Variants in NCOA1 observed in about 807,000 individuals in gnomAD.
NCOA1 encodes nuclear receptor coactivator 1.
A neutral mutation model predicts 150.9 loss-of-function variants in NCOA1; 35 were observed. The observed-to-expected ratio is 0.23, with a 90% CI of 0.18 to 0.31. The LOEUF is 0.31. Among genes scored for constraint, NCOA1 ranks in the 10% least tolerant of loss-of-function variants. The probability of loss-of-function intolerance (pLI) is 1.00; values close to 1 mark genes in which losing one functional copy is unlikely to be tolerated. For synonymous variants in NCOA1, 590 were observed against 630.0 expected, an observed-to-expected ratio of 0.94 and a Z score of 0.95; for missense variants, 1,491 against 1,749.3, an observed-to-expected ratio of 0.85 and a Z score of 2.63.
chr2:24,505,192 T>C (rs993896531), intron 1 of NCOA1, among the ~76,000 whole-genome samples: 5 of 144,182 alleles, frequency 3.5e-5, no homozygotes, highest in Non-Finnish European at 7.6e-5. Flanking sequence ...TTCTTTTTTC[T>C]TTTTTTTTTT....
intron 3 of NCOA1, among the ~76,000 whole-genome samples, chr2:24,639,117 T>G (rs1287814789): frequency 3.9e-5 from 6 of 152,154 alleles, no homozygotes; most frequent in Non-Finnish European, 8.8e-5. Context: ...TTGGGAAATA[T>G]CCTCTCCTAT....
At chr2:24,535,727 A>G (rs1665103955) in intron 1 of NCOA1, among the ~76,000 whole-genome samples, 1 of 152,228 alleles carries the variant, frequency 6.6e-6, no homozygotes. Context: ...TTGGCTGGAT[A>G]TGAAATTCTG....
chr2:24,658,899 C>A, intron 5 of NCOA1, 133 bp downstream of exon 5: 2 of 776,236 alleles, frequency 2.6e-6, no homozygotes, highest in Non-Finnish European at 2.1e-6. Flanking sequence ...ATGTTGTCTT[C>A]CTTCCCCCAG....
At chr2:24,740,034 C>G (rs1663525818) in intron 18 of NCOA1, among the ~76,000 whole-genome samples, 1 of 151,772 alleles carries the variant, frequency 6.6e-6, no homozygotes, top group Non-Finnish European at 1.5e-5. Context: ...AGGTGGACTT[C>G]TAAATGTTAC....
At chr2:24,703,999 C>A in intron 11 of NCOA1, among the ~76,000 whole-genome samples, 1 of 152,178 alleles carries the variant, frequency 6.6e-6, no homozygotes, top group East Asian at 1.9e-4. Context: ...ATAGCCTTTA[C>A]GTATTTAATA....
chr2:24,618,014 T>A (rs1478510329), intron 3 of NCOA1, among the ~76,000 whole-genome samples: 1 of 152,182 alleles, frequency 6.6e-6, no homozygotes, highest in African/African-American at 2.4e-5. Flanking sequence ...CCATAATTAT[T>A]AAAATAAAAC....
rs78906265 is a variant in NCOA1 at position 24,724,416 on chromosome 2, G to C, written c.2600-2173G>C. Among the ~76,000 whole-genome samples, 143 of 152,238 alleles carry C rather than the reference G, an allele frequency of 9.4e-4. 2 individuals carry two copies. In the East Asian group the frequency reaches 0.026, roughly 27 times the overall value. On this transcript the variant is annotated intron_variant, in intron 14 of 22. Transcript: ENST00000348332. The stretch of plus-strand genomic sequence containing the variant: ...GAAGCATACCTTCACATTTTTTACA[G>C]AAGGCAGTTTCTAAAGAAAGTCGCA...
At chr2:24,752,338 CAGAA>C (rs1047003703) in intron 20 of NCOA1, among the ~76,000 whole-genome samples, 182 bp downstream of exon 20, 75 of 152,260 alleles carry the variant, frequency 4.9e-4, no homozygotes, top group African/African-American at 1.7e-3. Context: ...TGTGTGGAGA[CAGAA>C]AGCAGCACAT....
At chr2:24,608,499 C>T (rs1225855313) in intron 3 of NCOA1, among the ~76,000 whole-genome samples, 1 of 151,240 alleles carries the variant, frequency 6.6e-6, no homozygotes, top group Non-Finnish European at 1.5e-5. Context: ...TATCTCTTGA[C>T]CTTGTGATCT....
intron 3 of NCOA1, among the ~76,000 whole-genome samples, chr2:24,634,710 C>A (rs1249967650): frequency 2.8e-5 from 1 of 35,552 alleles, no homozygotes; most frequent in Non-Finnish European, 7.3e-5. Flanking sequence ...GGGGAGGAAC[C>A]CCCCCCCCCC....
chr2:24,504,014 C>T (rs1663586325), intron 1 of NCOA1, among the ~76,000 whole-genome samples: 1 of 152,132 alleles, frequency 6.6e-6, no homozygotes, highest in Admixed American at 6.5e-5. Flanking sequence ...GGATTACAGG[C>T]GTGAGCCACT....
chr2:24,690,496 T>TA (rs1352346846), intron 8 of NCOA1, among the ~76,000 whole-genome samples: 13 of 150,666 alleles, frequency 8.6e-5, no homozygotes, highest in Admixed American at 7.9e-4. Context: ...GTACTAAAAA[T>TA]AAAAAATTAG....
intron 14 of NCOA1, among the ~76,000 whole-genome samples, chr2:24,713,185 C>T (rs56407018): frequency 1.3e-3 from 191 of 151,978 alleles, no homozygotes; most frequent in Non-Finnish European, 2.2e-3. Flanking sequence ...CAGCTGAGAT[C>T]GTGCCATTGC....
chr2:24,627,024 G>A (rs1373833418), intron 3 of NCOA1, among the ~76,000 whole-genome samples: 1 of 151,718 alleles, frequency 6.6e-6, no homozygotes, highest in Non-Finnish European at 1.5e-5. Flanking sequence ...TATGTATACT[G>A]AGGTATACTG....
chr2:24,532,707 G>A (rs1463231868), intron 1 of NCOA1, among the ~76,000 whole-genome samples: 1 of 152,158 alleles, frequency 6.6e-6, no homozygotes, highest in Non-Finnish European at 1.5e-5. Flanking sequence ...TATTAAATAG[G>A]GAATCCTTTC....
At chr2:24,639,527 AT>A (rs1451906098) in intron 3 of NCOA1, among the ~76,000 whole-genome samples, 1 of 152,038 alleles carries the variant, frequency 6.6e-6, no homozygotes, top group Non-Finnish European at 1.5e-5. Context: ...TATTTATTCC[AT>A]TGATTAGAAT....
At chr2:24,719,395 T>C (rs1435191048) in intron 14 of NCOA1, among the ~76,000 whole-genome samples, 3 of 152,184 alleles carry the variant, frequency 2.0e-5, no homozygotes, top group Non-Finnish European at 4.4e-5. Flanking sequence ...TCAAAATTTG[T>C]TGAACTGTAC....
intron 1 of NCOA1, among the ~76,000 whole-genome samples, chr2:24,504,941 A>C (rs1447356063): frequency 6.6e-6 from 1 of 152,054 alleles, no homozygotes; most frequent in African/African-American, 2.4e-5. Context: ...CATATTGCTA[A>C]TTAATTAAAA....
chr2:24,667,326 G>T (rs993025876), intron 6 of NCOA1, among the ~76,000 whole-genome samples: 10 of 152,126 alleles, frequency 6.6e-5, no homozygotes, highest in Non-Finnish European at 1.5e-4. Flanking sequence ...AAACTGAGCA[G>T]TCGGAAGATG....
Sources: gnomAD v4.1 joint callset for allele counts (sites outside exome capture counted in the v4.1 genomes callset) on GRCh38, gnomAD v4.1.1 for gene constraint, MANE v1.5 for transcripts, NCBI Gene and HGNC (gene_info 2026-07-23, HGNC 2026-07-21) for gene names.